The following KLC1 variants were observed in gnomAD, a reference collection of about 807,000 sequenced individuals.
The protein encoded by KLC1 is kinesin 2 60/70kDa.
Under a neutral mutation model 84.2 loss-of-function variants are expected in KLC1, and 30 were observed. The observed-to-expected ratio is 0.36, with a 90% CI of 0.27 to 0.48. KLC1 has a LOEUF of 0.48. Among genes scored for constraint, KLC1 ranks in the 20% least tolerant of loss-of-function variants. The pLI, the probability that KLC1 is intolerant of heterozygous loss-of-function variation, is 0.99. For synonymous variants in KLC1, 289 were observed against 293.3 expected, an observed-to-expected ratio of 0.99 and a Z score of 0.15; for missense variants, 499 against 805.4, an observed-to-expected ratio of 0.62 and a Z score of 4.60.
Position 103,693,450 on chromosome 14 carries a change from G to C in KLC1, c.1848+1025G>C, listed in dbSNP as rs945064321. 2.6e-6 allele frequency: 4 copies of C among 1,511,814 alleles called. No homozygotes were observed. The highest frequency in any genetic ancestry group is 3.5e-6 in the Non-Finnish European group (4 of 1,133,252). 93.6% of individuals were successfully genotyped at this position (1,511,814 alleles called of 1,614,324 possible). On this transcript the variant is annotated intron_variant, in intron 15 of 16. Coordinates refer to ENST00000334553, the MANE Select transcript of KLC1 (RefSeq NM_001394837.1). This position sits in a 1 kb window ranked among gnomAD's most constrained non-coding sequence, Gnocchi z 5.1. ...CCTGGGCCTCTCGAGTGCCAACCTA[G>C]ATTTAGCTGTGCAGCTGGTACTGTT...
At position 103,669,157 on chromosome 14, in the gene KLC1, C is replaced by T. The variant is rs141879404; in HGVS notation, c.798-354C>T. ...TACATTTAAAAAAGCTGTAGTGAGG[C>T]CGGGCACGATGGCTCATGCCTGTAA... is the stretch of plus-strand genomic sequence containing the variant. On this transcript the variant is annotated intron_variant, in intron 5 of 16. Transcript: ENST00000334553. Among the ~76,000 whole-genome samples the T allele has an allele frequency of 9.5e-4, 144 of 151,878 alleles. 3 individuals are homozygous for T. The East Asian group carries it at 0.021, about 22-fold the overall frequency.
At chr14:103,697,270 G>C (rs573899269) in intron 15 of KLC1, 2 of 310,798 alleles carry the variant, frequency 6.4e-6, no homozygotes, top group East Asian at 3.4e-4. Context: ...TTGATAACAT[G>C]ATGAAGGTTT....
chr14:103,696,093 C>CGGGCGGG, intron 15 of KLC1: 1 of 129,318 alleles, frequency 7.7e-6, no homozygotes, highest in Non-Finnish European at 9.2e-6. Context: ...AATCACTGCG[C>CGGGCGGG]CCCCGCCCCC....
At chr14:103,664,180 C>T (rs1214692108) in intron 5 of KLC1, among the ~76,000 whole-genome samples, 1 of 152,138 alleles carries the variant, frequency 6.6e-6, no homozygotes, top group Non-Finnish European at 1.5e-5. Flanking sequence ...GAGACAGAGT[C>T]TGGCTCTGTC....
chr14:103,651,910 G>A (rs2078476706), intron 1 of KLC1, among the ~76,000 whole-genome samples: 1 of 152,168 alleles, frequency 6.6e-6, no homozygotes, highest in Admixed American at 6.5e-5. Flanking sequence ...CCACCACCGT[G>A]TTCCGCCACA....
intron 1 of KLC1, 85 bp from the exon 2 acceptor site, chr14:103,654,479 A>G (rs2078697234): frequency 9.2e-7 from 1 of 1,084,946 alleles, no homozygotes; most frequent in Non-Finnish European, 1.3e-6. Context: ...TAAAATGTTA[A>G]TTAAAAAATT....
At chr14:103,638,930 G>A (rs942421984) in intron 1 of KLC1, among the ~76,000 whole-genome samples, 6 of 152,182 alleles carry the variant, frequency 3.9e-5, no homozygotes, top group South Asian at 2.1e-4. Context: ...TGCATGCAGA[G>A]TGGTAGGGTT....
chr14:103,635,698 G>A (rs761255675), intron 1 of KLC1, among the ~76,000 whole-genome samples: 16 of 151,854 alleles, frequency 1.1e-4, no homozygotes, highest in Non-Finnish European at 2.2e-4. Flanking sequence ...AGGTTGCAGT[G>A]AGCCAGATCG....
chr14:103,671,432 C>T (rs1196211594), intron 7 of KLC1, among the ~76,000 whole-genome samples: 7 of 151,946 alleles, frequency 4.6e-5, no homozygotes, highest in African/African-American at 9.7e-5. Flanking sequence ...TGCAGTGGCA[C>T]GATCTCGGCT....
intron 1 of KLC1, among the ~76,000 whole-genome samples, chr14:103,635,415 A>G (rs1023191251): frequency 6.6e-6 from 1 of 152,180 alleles, no homozygotes; most frequent in Non-Finnish European, 1.5e-5. Flanking sequence ...AGTTGAGCCC[A>G]GGAGTTCAAA....
chr14:103,700,434 T>G, intron 15 of KLC1: 8 of 466,038 alleles, frequency 1.7e-5, no homozygotes, highest in East Asian at 7.4e-5. Flanking sequence ...GCCATGGTGA[T>G]GGGGGAGGGT....
chr14:103,693,727 C>T lies in KLC1; in HGVS notation c.1848+1302C>T. ...CCAGCCGCACTCCTTGGCTTCCTTT[C>T]CTAGATAGTGACGTCCACCAACCTT... On this transcript the variant is annotated intron_variant, in intron 15 of 16. Coordinates refer to ENST00000334553, the MANE Select transcript of KLC1 (RefSeq NM_001394837.1). The surrounding 1 kb of genome is among the most constrained non-coding windows in gnomAD (Gnocchi z 5.1). 4 of 1,474,760 alleles carry T rather than the reference C, an allele frequency of 2.7e-6. No individual in the cohort carries two copies. The highest frequency in any genetic ancestry group is 3.6e-6 in the Non-Finnish European group (4 of 1,116,734). The allele number at this position is 1,474,760 out of a possible 1,614,324, so 91.4% of individuals were successfully genotyped here. A position where few individuals can be genotyped will look rare whatever the true frequency, so the allele number is the denominator to read the frequency against.
chr14:103,683,394 T>A (rs1012214206), intron 13 of KLC1: 3 of 152,128 alleles, frequency 2.0e-5, no homozygotes, highest in African/African-American at 7.2e-5. Flanking sequence ...TCACCGTGAG[T>A]CTCAGTTGGC....
chr14:103,693,258 C>T lies in KLC1; in HGVS notation c.1848+833C>T, dbSNP rs2082222871. ...GCAGCCATCTCGGGAAAGCTTTTCC[C>T]CAGCCCCCTTCTCGGTGGCTGTTAA... is the stretch of plus-strand genomic sequence containing the variant. On this transcript the variant is annotated intron_variant, in intron 15 of 16. Transcript: ENST00000334553. This position sits in a 1 kb window ranked among gnomAD's most constrained non-coding sequence, Gnocchi z 5.1. Among the ~76,000 whole-genome samples the T allele has an allele frequency of 1.3e-5, 2 of 151,980 alleles. No homozygotes were observed. The highest frequency in any genetic ancestry group is 1.3e-4 in the Admixed American group (2 of 15,270).
chr14:103,672,166 C>T (rs994437299), intron 7 of KLC1, among the ~76,000 whole-genome samples: 1 of 151,958 alleles, frequency 6.6e-6, no homozygotes, highest in African/African-American at 2.4e-5. Flanking sequence ...CAGGGAAGGT[C>T]GGTGTTGGAA....
intron 1 of KLC1, among the ~76,000 whole-genome samples, chr14:103,634,010 A>C (rs1350807650): frequency 2.6e-5 from 4 of 152,134 alleles, no homozygotes. Context: ...TTGGGACTAC[A>C]GGCATGTGCC....
chr14:103,665,160 T>G (rs1465482782), intron 5 of KLC1, among the ~76,000 whole-genome samples: 1 of 148,764 alleles, frequency 6.7e-6, no homozygotes, highest in Non-Finnish European at 1.5e-5. Flanking sequence ...ATTTTAAGCT[T>G]TTTTTTTTTG....
In KLC1 at chr14:103,651,666, G is replaced by A. The variant is rs142761177; in HGVS notation, c.-1-2898G>A. On this transcript the variant is annotated intron_variant, in intron 1 of 16. Coordinates refer to ENST00000334553, the MANE Select transcript of KLC1 (RefSeq NM_001394837.1). ...GGCAGGTTTCTTGTGCTCTCACTCC[G>A]TGCTGCTCCTCTAGCCTTGGTACTG... 1.5e-3 allele frequency among the ~76,000 whole-genome samples: 224 copies of A among 152,274 alleles called. 4 individuals are homozygous for A. The East Asian group carries it at 0.016, about 11-fold the overall frequency.
intron 16 of KLC1, 24 bp from the exon 17 acceptor site, chr14:103,701,177 C>G: frequency 1.9e-6 from 3 of 1,550,584 alleles, no homozygotes; most frequent in Non-Finnish European, 2.6e-6. Flanking sequence ...CGGCCCAGCC[C>G]TGACCTTCTA....
Sources: allele counts gnomAD v4.1 joint callset (sites outside exome capture counted in the v4.1 genomes callset), GRCh38; gene constraint gnomAD v4.1.1; non-coding constraint Gnocchi (gnomAD v3.1); transcripts MANE v1.5; gene names NCBI Gene and HGNC (gene_info 2026-07-23, HGNC 2026-07-21).